The following SLC9A2 variants were observed in gnomAD, a reference collection of about 807,000 sequenced individuals.
The protein encoded by SLC9A2 is sodium/hydrogen exchanger 2.
SLC9A2 carries 42 observed loss-of-function variants against 71.7 expected under a neutral mutation model. The observed-to-expected ratio is 0.59, with a 90% CI of 0.46 to 0.76. The LOEUF is 0.76. SLC9A2 is among the 30% of genes least tolerant of loss of function. The pLI is 0.00. For synonymous variants in SLC9A2, 396 were observed against 392.5 expected (o/e 1.01, Z -0.10); for missense variants, 829 against 1,017.4 (o/e 0.81, Z 2.52).
intron 1 of SLC9A2, among the ~76,000 whole-genome samples, chr2:102,624,347 T>C (rs186768800): frequency 1.3e-5 from 2 of 152,340 alleles, no homozygotes; most frequent in Admixed American, 6.5e-5. Flanking sequence ...ATTTTTATAG[T>C]TATAAGTACA....
intron 7 of SLC9A2, among the ~76,000 whole-genome samples, chr2:102,695,352 G>T (rs1670064891): frequency 6.6e-6 from 1 of 152,106 alleles, no homozygotes; most frequent in South Asian, 2.1e-4. Flanking sequence ...TAACAGATGA[G>T]GTTTACTCCA....
At chr2:102,658,317 T>G (rs1195771397) in intron 2 of SLC9A2, among the ~76,000 whole-genome samples, 1 of 152,166 alleles carries the variant, frequency 6.6e-6, no homozygotes, top group East Asian at 1.9e-4. Context: ...GACAAGGCCC[T>G]GTTCATGCCA....
intron 1 of SLC9A2, among the ~76,000 whole-genome samples, chr2:102,625,155 C>T (rs1676222271): frequency 6.6e-6 from 1 of 152,106 alleles, no homozygotes; most frequent in African/African-American, 2.4e-5. Context: ...TCAAAGCCTC[C>T]ATCTTCTCCC....
In SLC9A2 at chr2:102,708,114, G is replaced by A; in HGVS notation, c.2069-5G>A. 2 of 1,608,120 alleles carry A rather than the reference G, an allele frequency of 1.2e-6. No homozygotes were observed. Among genetic ancestry groups the A allele is most frequent in the Non-Finnish European group, 8.5e-7 (1 of 1,177,342 alleles). ...TTGCCCACCTTGTCTTTTGCTCCGT[G>A]ATAGATGGCAATAGCAGCGACTCAG... On this transcript the variant is annotated splice_polypyrimidine_tract_variant and splice_region_variant and intron_variant, in intron 11 of 11. Transcript: ENST00000233969.
chr2:102,620,954 G>A (rs758668328), intron 1 of SLC9A2, among the ~76,000 whole-genome samples: 4 of 151,994 alleles, frequency 2.6e-5, no homozygotes, highest in Non-Finnish European at 5.9e-5. Flanking sequence ...GGTGGATCAC[G>A]AGGATCACTG....
At chr2:102,669,679 T>G (rs1263899829) in intron 3 of SLC9A2, among the ~76,000 whole-genome samples, 1 of 152,254 alleles carries the variant, frequency 6.6e-6, no homozygotes, top group Non-Finnish European at 1.5e-5. Context: ...AGGAAAATGC[T>G]CAGAGTCAAA....
intron 1 of SLC9A2, among the ~76,000 whole-genome samples, chr2:102,642,743 T>A (rs1676633836): frequency 6.6e-6 from 1 of 152,252 alleles, no homozygotes; most frequent in African/African-American, 2.4e-5. Context: ...GAATTGCTTT[T>A]ATTTTGTAGA....
chr2:102,632,235 A>G (rs1676389190), intron 1 of SLC9A2, among the ~76,000 whole-genome samples: 1 of 140,466 alleles, frequency 7.1e-6, no homozygotes, highest in Non-Finnish European at 1.5e-5. Context: ...TTATATATAT[A>G]ATACATATAT....
Position 102,684,176 on chromosome 2 carries a change from T to C in SLC9A2, c.1265T>C (p.Ile422Thr), listed in dbSNP as rs1417058156. The C allele has an allele frequency of 2.5e-6, 4 of 1,614,064 alleles. No homozygotes were observed. In the South Asian group the frequency reaches 4.4e-5, roughly 18 times the overall value. Residue 422 changes from isoleucine (I) to threonine (T), a missense_variant, in exon 5 of 12, where the codon ATT becomes ACT. Coordinates refer to ENST00000233969, the MANE Select transcript of SLC9A2 (RefSeq NM_003048.6). The stretch of plus-strand genomic sequence containing the variant: ...CAGGTCATTAATAGGTTCCGGACCA[T>C]TCCCCTGACCTTTAAGGACCAGTTC... ...LTQVINRFRT[I>T]PLTFKDQFII...
intron 1 of SLC9A2, among the ~76,000 whole-genome samples, chr2:102,655,902 G>A (rs1676930334): frequency 6.6e-6 from 1 of 152,216 alleles, no homozygotes; most frequent in Non-Finnish European, 1.5e-5. Context: ...GAGAGCAGAA[G>A]AGCAAACCAG....
intron 1 of SLC9A2, among the ~76,000 whole-genome samples, chr2:102,638,314 T>G (rs1676509777): frequency 6.6e-6 from 1 of 152,242 alleles, no homozygotes; most frequent in Non-Finnish European, 1.5e-5. Context: ...TATAGTCAAG[T>G]TAACACTGAT....
At chr2:102,656,038 C>A (rs1317326882) in intron 1 of SLC9A2, among the ~76,000 whole-genome samples, 2 of 152,234 alleles carry the variant, frequency 1.3e-5, no homozygotes. Context: ...TTGGCAACAC[C>A]TAAGTTTTAG....
At chr2:102,627,985 A>G (rs1164019950) in intron 1 of SLC9A2, among the ~76,000 whole-genome samples, 2 of 152,174 alleles carry the variant, frequency 1.3e-5, no homozygotes, top group Non-Finnish European at 2.9e-5. Flanking sequence ...TAAAATGAAC[A>G]AAATTACTTC....
Position 102,710,494 on chromosome 2 carries a change from T to C in SLC9A2, c.*2005T>C, listed in dbSNP as rs183215873. Reference sequence around the variant, plus strand: ...AACTGAAGGAGAAAACATGAAAATGTTTATATTGCTTCTTGTTAAGCAGGT... The same window carrying C: ...AACTGAAGGAGAAAACATGAAAATGCTTATATTGCTTCTTGTTAAGCAGGT... On this transcript the variant is annotated 3_prime_UTR_variant, in exon 12 of 12. Coordinates refer to ENST00000233969, the MANE Select transcript of SLC9A2 (RefSeq NM_003048.6). 1.3e-5 allele frequency: 2 copies of C among 152,348 alleles called. No individual in the cohort carries two copies. Among genetic ancestry groups the C allele is most frequent in the Admixed American group, 6.5e-5 (1 of 15,300 alleles). The allele number at this position is 152,348 out of a possible 1,614,324, so 9.4% of individuals were successfully genotyped here.
chr2:102,704,688 G>A lies in SLC9A2; in HGVS notation c.1977+13G>A, dbSNP rs757479317. 1.9e-6 allele frequency: 3 copies of A among 1,607,226 alleles called. No individual in the cohort carries two copies. Among genetic ancestry groups the A allele is most frequent in the Admixed American group, 1.7e-5 (1 of 59,754 alleles). The stretch of plus-strand genomic sequence containing the variant: ...TCGAGAACACAGGGTAACTGAGTGT[G>A]CGCCTCTAGGAGACTTCCAGGGGTG... On this transcript the variant is annotated intron_variant, in intron 10 of 11. Coordinates refer to ENST00000233969, the MANE Select transcript of SLC9A2 (RefSeq NM_003048.6).
At chr2:102,656,460 G>A (rs920940014) in intron 1 of SLC9A2, among the ~76,000 whole-genome samples, 2 of 152,178 alleles carry the variant, frequency 1.3e-5, no homozygotes, top group African/African-American at 4.8e-5. Context: ...GCACTTGGCT[G>A]GGGCTTGACC....
intron 8 of SLC9A2, 150 bp downstream of exon 8, chr2:102,701,381 T>C (rs2310319): frequency 0.78 from 429,390 of 549,218 alleles, 168,295 homozygotes; most frequent in Admixed American, 0.8. Flanking sequence ...CATGAGCCAC[T>C]GTGCCCAGCT....
At chr2:102,635,371 C>T (rs935420074) in intron 1 of SLC9A2, among the ~76,000 whole-genome samples, 2 of 152,172 alleles carry the variant, frequency 1.3e-5, no homozygotes, top group Admixed American at 6.5e-5. Context: ...TGTGTTCGCT[C>T]GTGAAGTTTC....
chr2:102,693,349 C>A (rs1259815721), intron 5 of SLC9A2, among the ~76,000 whole-genome samples: 2 of 152,146 alleles, frequency 1.3e-5, no homozygotes, highest in Admixed American at 1.3e-4. Context: ...CTGGGACATG[C>A]AGAACTGTGC....
Sources: allele counts gnomAD v4.1 joint callset (sites outside exome capture counted in the v4.1 genomes callset), GRCh38; gene constraint gnomAD v4.1.1; transcripts MANE v1.5; gene names NCBI Gene and HGNC (gene_info 2026-07-23, HGNC 2026-07-21).